Variants in MRTFB observed in about 807,000 individuals in gnomAD.
MRTFB encodes myocardin related transcription factor B.
MRTFB carries 29 observed loss-of-function variants against 104.2 expected under a neutral mutation model. The observed-to-expected ratio is 0.28, with a 90% CI of 0.21 to 0.38. The LOEUF (loss-of-function observed/expected upper bound fraction) is 0.38. MRTFB is among the 10% of genes least tolerant of loss of function. The pLI is 1.00. For missense variants in MRTFB, 1,270 were observed against 1,341.6 expected (o/e 0.95, Z 0.83); for synonymous variants, 535 against 519.5 (o/e 1.03, Z -0.41).
the MRTFB span, among the ~76,000 whole-genome samples, chr16:14,026,359 C>T: frequency 1.3e-5 from 2 of 152,062 alleles, no homozygotes; most frequent in South Asian, 2.1e-4. Flanking sequence ...ATAATCATAG[C>T]CAAAAATATA....
intron 1 of MRTFB, among the ~76,000 whole-genome samples, chr16:14,077,185 A>T (rs777141670): frequency 4.6e-5 from 7 of 152,198 alleles, no homozygotes; most frequent in Non-Finnish European, 1.0e-4. Context: ...AAAGGCCTCC[A>T]CGATTTCTGG....
chr16:14,009,744 C>G, the MRTFB span: 31 of 152,272 alleles, frequency 2.0e-4, no homozygotes, highest in East Asian at 3.5e-3. Flanking sequence ...TCTTCTCCCC[C>G]CAACAACGTG....
At chr16:14,090,325 A>G (rs2034977723) in intron 2 of MRTFB, among the ~76,000 whole-genome samples, 1 of 152,234 alleles carries the variant, frequency 6.6e-6, no homozygotes, top group South Asian at 2.1e-4. Flanking sequence ...CAGCTCATTC[A>G]ATGTGAGAAA....
intron 2 of MRTFB, among the ~76,000 whole-genome samples, chr16:14,112,119 ATAAAGAAACAATGGGGTT>A (rs139270813): frequency 0.057 from 8,721 of 152,268 alleles, 499 homozygotes; most frequent in East Asian, 0.29. Flanking sequence ...CCGAACAGGT[ATAAAGAAACAATGGGGTT>A]TAAATGAGTG....
chr16:14,119,657 T>A (rs1194591479), intron 2 of MRTFB, among the ~76,000 whole-genome samples: 1 of 152,184 alleles, frequency 6.6e-6, no homozygotes, highest in Non-Finnish European at 1.5e-5. Context: ...TTTGTTGGAA[T>A]TTTTTGCTTA....
intron 2 of MRTFB, among the ~76,000 whole-genome samples, chr16:14,110,742 C>T (rs759815505): frequency 4.6e-5 from 7 of 152,174 alleles, no homozygotes; most frequent in Non-Finnish European, 1.0e-4. Flanking sequence ...CGCTGCTCCA[C>T]GTGAGACCAG....
chr16:14,078,397 C>T (rs925241059), intron 1 of MRTFB, among the ~76,000 whole-genome samples: 2 of 151,792 alleles, frequency 1.3e-5, no homozygotes. Context: ...CACTGTAAGC[C>T]CCTGGAATAC....
chr16:14,223,701 AAC>A (rs754510980), intron 8 of MRTFB, among the ~76,000 whole-genome samples: 2 of 152,182 alleles, frequency 1.3e-5, no homozygotes, highest in Non-Finnish European at 2.9e-5. Context: ...AAGAAAAGTG[AAC>A]AGAGACTTAA....
At chr16:14,121,660 T>C (rs1412158593) in intron 2 of MRTFB, among the ~76,000 whole-genome samples, 5 of 152,338 alleles carry the variant, frequency 3.3e-5, no homozygotes, top group Admixed American at 3.3e-4. Context: ...TTTTTGTTTT[T>C]TTCAAATTGG....
the MRTFB span, among the ~76,000 whole-genome samples, chr16:14,048,867 T>C: frequency 4.6e-5 from 7 of 152,198 alleles, no homozygotes; most frequent in African/African-American, 1.7e-4. Context: ...CCCTGGGACC[T>C]ATGCAGAGCC....
At chr16:14,041,080 C>T in the MRTFB span, among the ~76,000 whole-genome samples, 1 of 151,950 alleles carries the variant, frequency 6.6e-6, no homozygotes, top group South Asian at 2.1e-4. Flanking sequence ...TTGCAGTGAG[C>T]CATGATGACA....
the MRTFB span, among the ~76,000 whole-genome samples, chr16:14,017,711 A>ATATATTTTTT: frequency 8.9e-5 from 3 of 33,596 alleles, no homozygotes; most frequent in African/African-American, 4.2e-4. Flanking sequence ...ATATATATAT[A>ATATATTTTTT]TTTTTTTTTT....
intron 1 of MRTFB, among the ~76,000 whole-genome samples, chr16:14,072,541 G>A (rs940481228): frequency 1.3e-5 from 2 of 152,148 alleles, no homozygotes; most frequent in Non-Finnish European, 2.9e-5. Context: ...AAAAATTAGC[G>A]TGGTGTGGTG....
At chr16:14,039,213 G>C in the MRTFB span, among the ~76,000 whole-genome samples, 1 of 152,214 alleles carries the variant, frequency 6.6e-6, no homozygotes, top group Non-Finnish European at 1.5e-5. Flanking sequence ...TGGCTGTTGG[G>C]GGAGCCCTCA....
intron 9 of MRTFB, among the ~76,000 whole-genome samples, chr16:14,237,428 T>G (rs1353902573): frequency 6.6e-6 from 1 of 152,232 alleles, no homozygotes; most frequent in African/African-American, 2.4e-5. Flanking sequence ...TGCTGGGAAC[T>G]GGCCTCGGTT....
chr16:14,044,391 A>C, the MRTFB span, among the ~76,000 whole-genome samples: 1 of 152,144 alleles, frequency 6.6e-6, no homozygotes, highest in Admixed American at 6.5e-5. Flanking sequence ...TTGTCATGCT[A>C]TTCATGGCGC....
At chr16:14,253,422 C>T (rs1181911395) in intron 15 of MRTFB, among the ~76,000 whole-genome samples, 1 of 152,184 alleles carries the variant, frequency 6.6e-6, no homozygotes, top group African/African-American at 2.4e-5. Context: ...TGTACCAGTT[C>T]TCCCGCTCCC....
chr16:14,052,029 A>C, the MRTFB span, among the ~76,000 whole-genome samples: 48 of 152,330 alleles, frequency 3.2e-4, no homozygotes, highest in African/African-American at 1.0e-3. Flanking sequence ...GGAAAAGACC[A>C]GCAGAGAGAC....
intron 2 of MRTFB, among the ~76,000 whole-genome samples, chr16:14,134,490 G>A (rs1402594778): frequency 6.6e-6 from 1 of 152,206 alleles, no homozygotes; most frequent in Non-Finnish European, 1.5e-5. Context: ...AAGAGGAGAG[G>A]GTTTCCTTCA....
Sources: allele counts gnomAD v4.1 joint callset (sites outside exome capture counted in the v4.1 genomes callset), GRCh38; gene constraint gnomAD v4.1.1; transcripts MANE v1.5; gene names NCBI Gene and HGNC (gene_info 2026-07-23, HGNC 2026-07-21).